MAP3K5: variants seen among roughly 807,000 people sequenced by gnomAD.
MAP3K5 encodes mitogen-activated protein kinase kinase kinase 5, also known as ASK-1.
MAP3K5 carries 56 observed loss-of-function variants against 158.7 expected under a neutral mutation model. The observed-to-expected ratio is 0.35, with a 90% CI of 0.28 to 0.44. MAP3K5 has a LOEUF of 0.44. MAP3K5 is among the 20% of genes least tolerant of loss of function. MAP3K5 has a pLI of 1.00. For synonymous variants in MAP3K5, 579 were observed against 601.7 expected (o/e 0.96, Z 0.55); for missense variants, 1,294 against 1,674.8 (o/e 0.77, Z 3.97).
At chr6:136,625,558 A>G (rs1776994144) in intron 14 of MAP3K5, among the ~76,000 whole-genome samples, 1 of 152,212 alleles carries the variant, frequency 6.6e-6, no homozygotes, top group Non-Finnish European at 1.5e-5. Context: ...TTCTCTAAAC[A>G]CTTTCAACCA....
chr6:136,717,774 A>G (rs1172354637), intron 2 of MAP3K5, among the ~76,000 whole-genome samples: 1 of 152,168 alleles, frequency 6.6e-6, no homozygotes, highest in African/African-American at 2.4e-5. Flanking sequence ...ACTCAGAGGA[A>G]ATTGCTAGAC....
chr6:136,732,262 C>T (rs1051399897), intron 1 of MAP3K5, among the ~76,000 whole-genome samples: 2 of 151,790 alleles, frequency 1.3e-5, no homozygotes, highest in Admixed American at 6.6e-5. Context: ...CCGTCTCTAC[C>T]AAAAATACAA....
At chr6:136,600,124 A>G (rs1775808747) in intron 21 of MAP3K5, among the ~76,000 whole-genome samples, 1 of 152,064 alleles carries the variant, frequency 6.6e-6, no homozygotes, top group Non-Finnish European at 1.5e-5. Flanking sequence ...ATGAACATTA[A>G]GCCCCCTGAA....
chr6:136,727,449 C>A (rs1336066412), intron 1 of MAP3K5, among the ~76,000 whole-genome samples: 1 of 152,202 alleles, frequency 6.6e-6, no homozygotes, highest in Non-Finnish European at 1.5e-5. Context: ...AGCAATCCAG[C>A]TCTAGAGTCC....
chr6:136,614,465 CT>C lies in MAP3K5; in HGVS notation c.2151-180del, dbSNP rs199864014. On this transcript the variant is annotated intron_variant, in intron 15 of 29. Coordinates refer to ENST00000359015, the MANE Select transcript of MAP3K5 (RefSeq NM_005923.4). ...TATGAGGTTGAAGGTGTGGTAGGAT[CT>C]GAGGGGAAATGTGTCAGGTACTAAG... Among the ~76,000 whole-genome samples the C allele has an allele frequency of 7.9e-3, 1,199 of 152,270 alleles. 10 individuals are homozygous for C. Among genetic ancestry groups the C allele is most frequent in the African/African-American group, 0.028 (1,150 of 41,546 alleles).
chr6:136,637,185 C>A, intron 14 of MAP3K5, 140 bp downstream of exon 14: 5 of 1,287,748 alleles, frequency 3.9e-6, no homozygotes, highest in East Asian at 2.5e-5. Flanking sequence ...CAAAGGAATT[C>A]TGGAAGTTGC....
chr6:136,747,968 T>C (rs1413052181), intron 1 of MAP3K5, among the ~76,000 whole-genome samples: 5 of 152,194 alleles, frequency 3.3e-5, no homozygotes, highest in Admixed American at 3.3e-4. Flanking sequence ...GTCTATCAGA[T>C]ATATGGTGGT....
chr6:136,691,285 T>C (rs1031116979), intron 7 of MAP3K5, among the ~76,000 whole-genome samples: 2 of 152,102 alleles, frequency 1.3e-5, no homozygotes, highest in African/African-American at 4.8e-5. Flanking sequence ...ACAGTATATC[T>C]CTCCTCTCCT....
intron 14 of MAP3K5, among the ~76,000 whole-genome samples, chr6:136,634,649 G>A (rs1777533700): frequency 6.6e-6 from 1 of 151,458 alleles, no homozygotes; most frequent in Non-Finnish European, 1.5e-5. Flanking sequence ...GTGCGATCTC[G>A]GCTCACTGCA....
At chr6:136,610,501 A>C (rs1001187314) in intron 18 of MAP3K5, among the ~76,000 whole-genome samples, 2 of 151,802 alleles carry the variant, frequency 1.3e-5, no homozygotes, top group African/African-American at 4.8e-5. Context: ...TCAACCACAG[A>C]GAGTAAACAG....
chr6:136,590,484 G>C (rs1319243070), intron 23 of MAP3K5, among the ~76,000 whole-genome samples: 1 of 151,772 alleles, frequency 6.6e-6, no homozygotes, highest in East Asian at 1.9e-4. Context: ...AGAAAAAAAA[G>C]AATTGATTCC....
chr6:136,607,992 T>C (rs200484648), intron 18 of MAP3K5, among the ~76,000 whole-genome samples: 110 of 151,994 alleles, frequency 7.2e-4, no homozygotes, highest in Middle Eastern at 3.4e-3. Context: ...TCATGGCTGG[T>C]CTCACTGCAG....
intron 7 of MAP3K5, among the ~76,000 whole-genome samples, chr6:136,682,921 G>A (rs1427944771): frequency 6.6e-6 from 1 of 151,902 alleles, no homozygotes; most frequent in African/African-American, 2.4e-5. Flanking sequence ...AAAATGTTTA[G>A]CTACATCCAG....
intron 18 of MAP3K5, among the ~76,000 whole-genome samples, chr6:136,607,227 A>G (rs537649666): frequency 6.6e-6 from 1 of 152,376 alleles, no homozygotes; most frequent in East Asian, 1.9e-4. Flanking sequence ...CTAGAATAGA[A>G]TTAATGAGAG....
intron 10 of MAP3K5, among the ~76,000 whole-genome samples, chr6:136,651,319 G>A (rs1427946341): frequency 6.6e-6 from 1 of 152,028 alleles, no homozygotes; most frequent in African/African-American, 2.4e-5. Context: ...ACCTTGTATT[G>A]CTAATAAGGT....
intron 1 of MAP3K5, among the ~76,000 whole-genome samples, chr6:136,752,537 G>A (rs1255220214): frequency 6.6e-6 from 1 of 152,126 alleles, no homozygotes; most frequent in Admixed American, 6.5e-5. Context: ...TCAGCCTCCC[G>A]AGTAGCTGGG....
rs139432632 is a variant in MAP3K5 at position 136,734,796 on chromosome 6, C to A, written c.449-14207G>T. Among the ~76,000 whole-genome samples, 221 of 152,302 alleles carry A rather than the reference C, an allele frequency of 1.5e-3. 1 individual carries two copies. Among genetic ancestry groups the A allele is most frequent in the Admixed American group, 3.1e-3 (47 of 15,300 alleles). ...TCATTTATGCTTCAGTGAAGTTCCT[C>A]GGTCACACAGAGTAGCCCTTTGTAA... On this transcript the variant is annotated intron_variant, in intron 1 of 29. Coordinates refer to ENST00000359015, the MANE Select transcript of MAP3K5 (RefSeq NM_005923.4).
intron 25 of MAP3K5, among the ~76,000 whole-genome samples, chr6:136,576,776 G>A (rs1306669367): frequency 6.6e-6 from 1 of 152,186 alleles, no homozygotes; most frequent in Non-Finnish European, 1.5e-5. Flanking sequence ...TAACATTTCA[G>A]TCAAGGATGG....
Position 136,557,736 on chromosome 6 carries a change from C to T in MAP3K5, c.*22G>A, listed in dbSNP as rs377633516. 9.6e-5 allele frequency: 152 copies of T among 1,586,762 alleles called. No homozygotes were observed. Among genetic ancestry groups the T allele is most frequent in the Non-Finnish European group, 1.2e-4 (138 of 1,155,626 alleles). On this transcript the variant is annotated 3_prime_UTR_variant, in exon 30 of 30. Coordinates refer to ENST00000359015, the MANE Select transcript of MAP3K5 (RefSeq NM_005923.4). ...CTGTATTAATTTTTAGAATTTCCATCGAAGATTAGATTGAGCAACAGTCAA... is the reference window on the plus strand; with the variant it reads ...CTGTATTAATTTTTAGAATTTCCATTGAAGATTAGATTGAGCAACAGTCAA...
Sources: gnomAD v4.1 joint callset for allele counts (sites outside exome capture counted in the v4.1 genomes callset) on GRCh38, gnomAD v4.1.1 for gene constraint, MANE v1.5 for transcripts, NCBI Gene and HGNC (gene_info 2026-07-23, HGNC 2026-07-21) for gene names.